EHMT1: variants seen among roughly 807,000 people sequenced by gnomAD.
The protein encoded by EHMT1 is euchromatic histone lysine methyltransferase 1.
EHMT1 carries 15 observed loss-of-function variants against 147.2 expected under a neutral mutation model. That is an observed-to-expected ratio of 0.10 (90% CI 0.07 to 0.16). EHMT1 has a LOEUF of 0.16. Ranked by LOEUF, EHMT1 falls within the 10% of genes least tolerant of loss-of-function variation. The pLI is 1.00. For synonymous variants in EHMT1, 795 were observed against 709.6 expected (o/e 1.12, Z -1.91); for missense variants, 1,587 against 1,772.4 (o/e 0.90, Z 1.88).
intron 18 of EHMT1, among the ~76,000 whole-genome samples, chr9:137,801,586 C>G (rs1212818454): frequency 1.3e-5 from 2 of 152,186 alleles, no homozygotes; most frequent in Admixed American, 6.5e-5. Context: ...GCAACCTCCA[C>G]CTCCCGGGTT....
chr9:137,802,381 G>T (rs576701748), intron 18 of EHMT1: 2 of 398,632 alleles, frequency 5.0e-6, no homozygotes, highest in South Asian at 1.3e-4. Context: ...AGGTGCTGTA[G>T]CCCACAGAGC....
chr9:137,717,275 T>C (rs1945423652), intron 3 of EHMT1, 93 bp downstream of exon 3: 2 of 1,486,010 alleles, frequency 1.3e-6, no homozygotes, highest in Non-Finnish European at 1.8e-6. Context: ...GAGAAGCCAG[T>C]AAGTGTCAGT....
At chr9:137,682,057 T>C (rs1433228454) in intron 1 of EHMT1, among the ~76,000 whole-genome samples, 2 of 151,914 alleles carry the variant, frequency 1.3e-5, no homozygotes, top group Non-Finnish European at 2.9e-5. Context: ...TTCACACCAT[T>C]CTCCTGCCTC....
intron 1 of EHMT1, among the ~76,000 whole-genome samples, chr9:137,655,861 T>A (rs1938386017): frequency 6.6e-6 from 1 of 152,186 alleles, no homozygotes. Flanking sequence ...GGAAACATCG[T>A]CTTCCATGAA....
In EHMT1 at chr9:137,754,221, C is replaced by T. The variant is rs374367377; in HGVS notation, c.1299C>T (p.Thr433=). Residue 433 remains threonine, a synonymous_variant, in exon 8 of 27, where the codon ACC becomes ACT. Transcript: ENST00000460843. ...AATTTCTCAAGAGGAAAGGAAAGAC[C>T]GACAGTCCCTGGATCAAGCCAGCCA... The part of the protein sequence containing the change: ...KKKFLKRKGK[T]DSPWIKPARK... 12 of 1,613,880 alleles carry T rather than the reference C, an allele frequency of 7.4e-6. No homozygotes were observed. Among genetic ancestry groups the T allele is most frequent in the African/African-American group, 5.3e-5 (4 of 74,838 alleles).
intron 6 of EHMT1, 151 bp downstream of exon 6, chr9:137,744,241 T>A: frequency 1.2e-6 from 1 of 800,588 alleles, no homozygotes; most frequent in Non-Finnish European, 2.0e-6. Flanking sequence ...TTTTCTTGAT[T>A]TATTAGATTA....
intron 10 of EHMT1, among the ~76,000 whole-genome samples, chr9:137,770,355 C>A (rs953085103): frequency 6.6e-6 from 1 of 152,212 alleles, no homozygotes; most frequent in Non-Finnish European, 1.5e-5. Flanking sequence ...ATCTCTGGTA[C>A]TGTTTGTTTC....
At chr9:137,752,539 G>T (rs1224853173) in intron 7 of EHMT1, 131 bp downstream of exon 7, 1 of 1,058,402 alleles carries the variant, frequency 9.4e-7, no homozygotes, top group African/African-American at 1.6e-5. Flanking sequence ...GCTGGTCATG[G>T]TGATGGCCAC....
At chr9:137,763,305 G>C (rs138254095) in intron 10 of EHMT1, 58 of 247,640 alleles carry the variant, frequency 2.3e-4, no homozygotes, top group African/African-American at 8.3e-4. Context: ...GGGACAGGAG[G>C]GGGGATCAGG....
In EHMT1 at chr9:137,823,008, G is replaced by A. The variant is rs532792644; in HGVS notation, c.3540+4870G>A. ...TGCAGTGGCACAATCTCGGCTCACT[G>A]CAACGTCTGCCTCCTGGGTTCAAGC... On this transcript the variant is annotated intron_variant, in intron 25 of 26. Coordinates refer to ENST00000460843, the MANE Select transcript of EHMT1 (RefSeq NM_024757.5). 1.1e-4 allele frequency among the ~76,000 whole-genome samples: 16 copies of A among 151,216 alleles called. 1 individual carries two copies. The highest frequency in any genetic ancestry group is 3.4e-3 in the Middle Eastern group (1 of 294).
At chr9:137,834,666 G>A in intron 26 of EHMT1, 107 bp from the exon 27 acceptor site, 2 of 1,596,874 alleles carry the variant, frequency 1.3e-6, no homozygotes, top group African/African-American at 1.3e-5. Flanking sequence ...CTGGGATGCG[G>A]CACGGCAGAT....
chr9:137,726,675 T>G (rs1946664508), intron 3 of EHMT1, among the ~76,000 whole-genome samples: 1 of 152,232 alleles, frequency 6.6e-6, no homozygotes, highest in Admixed American at 6.5e-5. Flanking sequence ...AGTTCCACAC[T>G]TAGCTTTTTG....
intron 18 of EHMT1, 126 bp downstream of exon 18, chr9:137,801,110 A>G (rs1953444840): frequency 1.2e-6 from 1 of 821,546 alleles, no homozygotes; most frequent in East Asian, 2.7e-5. Context: ...TTCCTGTGGC[A>G]GCATCGGCCC....
chr9:137,829,322 C>T (rs1356200316), intron 25 of EHMT1, among the ~76,000 whole-genome samples: 2 of 152,222 alleles, frequency 1.3e-5, no homozygotes, highest in African/African-American at 4.8e-5. Flanking sequence ...TTTGACCACA[C>T]ATTGTGAAAA....
intron 1 of EHMT1, among the ~76,000 whole-genome samples, chr9:137,699,974 G>A (rs1474545884): frequency 6.6e-6 from 1 of 152,168 alleles, no homozygotes; most frequent in African/African-American, 2.4e-5. Context: ...CAAATAAAGT[G>A]GTAGTGTTGT....
intron 15 of EHMT1, 77 bp from the exon 16 acceptor site, chr9:137,790,771 A>G: frequency 6.2e-7 from 1 of 1,609,154 alleles, no homozygotes; most frequent in Non-Finnish European, 8.5e-7. Context: ...TTGAGTGTGG[A>G]AGCTTGTAAG....
At chr9:137,745,322 C>A (rs1948451781) in intron 6 of EHMT1, among the ~76,000 whole-genome samples, 1 of 152,070 alleles carries the variant, frequency 6.6e-6, no homozygotes, top group African/African-American at 2.4e-5. Context: ...ACATTTTTAG[C>A]ATGTTTTAGG....
intron 1 of EHMT1, among the ~76,000 whole-genome samples, chr9:137,697,610 C>T (rs1258603942): frequency 6.6e-6 from 1 of 152,102 alleles, no homozygotes; most frequent in African/African-American, 2.4e-5. Flanking sequence ...AGAAATTTTT[C>T]CTTTGGATCA....
At chr9:137,774,657 A>G (rs1396008994) in intron 10 of EHMT1, among the ~76,000 whole-genome samples, 21 of 61,460 alleles carry the variant, frequency 3.4e-4, no homozygotes, top group East Asian at 4.3e-4. Flanking sequence ...GATCTGGTGG[A>G]TGTGGTCGCG....
Sources: allele counts gnomAD v4.1 joint callset (sites outside exome capture counted in the v4.1 genomes callset), GRCh38; gene constraint gnomAD v4.1.1; transcripts MANE v1.5; gene names NCBI Gene and HGNC (gene_info 2026-07-23, HGNC 2026-07-21).